Variants in ME1 observed in about 807,000 individuals in gnomAD.
ME1 encodes the protein NADP-dependent malic enzyme.
A neutral mutation model predicts 66.4 loss-of-function variants in ME1; 74 were observed. The observed-to-expected ratio is 1.11, with a 90% confidence interval of 0.92 to 1.35. The LOEUF (loss-of-function observed/expected upper bound fraction) is 1.35. ME1 is among the 40% of genes most tolerant of loss of function. The pLI, the probability that ME1 is intolerant of heterozygous loss-of-function variation, is 0.00. For synonymous variants in ME1, 251 were observed against 235.6 expected (o/e 1.07, Z -0.60); for missense variants, 750 against 694.1 (o/e 1.08, Z -0.90).
chr6:83,400,816 G>A (rs185446078), intron 2 of ME1, among the ~76,000 whole-genome samples: 107 of 152,224 alleles, frequency 7.0e-4, no homozygotes, highest in Non-Finnish European at 1.3e-3. Flanking sequence ...CTAATCAACC[G>A]CCCATTACCT....
At chr6:83,273,957 A>G (rs1183911505) in intron 6 of ME1, among the ~76,000 whole-genome samples, 1 of 152,178 alleles carries the variant, frequency 6.6e-6, no homozygotes, top group Non-Finnish European at 1.5e-5. Context: ...TTAAATGCTT[A>G]TCTTGCTTGA....
chr6:83,389,440 A>C (rs1323142651), intron 3 of ME1, among the ~76,000 whole-genome samples: 1 of 152,186 alleles, frequency 6.6e-6, no homozygotes, highest in Non-Finnish European at 1.5e-5. Flanking sequence ...TTTACTTACA[A>C]TATAGTTGAG....
At chr6:83,324,601 T>C (rs961780387) in intron 5 of ME1, among the ~76,000 whole-genome samples, 4 of 148,484 alleles carry the variant, frequency 2.7e-5, no homozygotes, top group African/African-American at 7.5e-5. Flanking sequence ...CTAGAAGAAA[T>C]GGATAAATTC....
chr6:83,402,314 G>A (rs1112483), intron 2 of ME1, among the ~76,000 whole-genome samples: 38,922 of 152,030 alleles, frequency 0.26, 5,584 homozygotes, highest in Middle Eastern at 0.45. Context: ...TAGGAATCAA[G>A]GGGTGGAAAT....
intron 5 of ME1, among the ~76,000 whole-genome samples, chr6:83,317,009 T>A (rs182990496): frequency 6.6e-6 from 1 of 151,118 alleles, no homozygotes; most frequent in Non-Finnish European, 1.5e-5. Context: ...ATAGAGAAAA[T>A]TGAAATAATG....
At chr6:83,427,943 TAG>T (rs1770403578) in intron 1 of ME1, among the ~76,000 whole-genome samples, 1 of 149,776 alleles carries the variant, frequency 6.7e-6, no homozygotes. Flanking sequence ...ACCCAGGAGG[TAG>T]AGTTTGCAGT....
chr6:83,340,822 C>T (rs890730582), intron 5 of ME1, among the ~76,000 whole-genome samples: 9 of 152,068 alleles, frequency 5.9e-5, no homozygotes, highest in African/African-American at 2.2e-4. Context: ...ATGATCAAAT[C>T]CTTAATCTTA....
rs182190294 is a variant in ME1 at position 83,352,758 on chromosome 6, C to T, written c.363-619G>A. ...CCTACAAAATCTTAACAAGTAACTT[C>T]ACAAATTAAAATAATAGAATTTAAA... On this transcript the variant is annotated intron_variant, in intron 3 of 13. Transcript: ENST00000369705. Among the ~76,000 whole-genome samples, 33 of 152,238 alleles carry T rather than the reference C, an allele frequency of 2.2e-4. 1 individual carries two copies. Among genetic ancestry groups the T allele is most frequent in the Admixed American group, 2.0e-3 (30 of 15,290 alleles).
chr6:83,387,535 A>G (rs1769534167), intron 3 of ME1, among the ~76,000 whole-genome samples: 1 of 152,086 alleles, frequency 6.6e-6, no homozygotes, highest in East Asian at 1.9e-4. Context: ...GTTTGTATAC[A>G]TCTCCATTTC....
chr6:83,430,845 C>T lies in ME1; in HGVS notation c.78+32G>A, dbSNP rs530151186. The T allele has an allele frequency of 3.8e-4, 592 of 1,563,136 alleles. 3 individuals are homozygous for T. In the South Asian group the frequency reaches 6.5e-3, roughly 17 times the overall value. On this transcript the variant is annotated intron_variant, in intron 1 of 13. Coordinates refer to ENST00000369705, the MANE Select transcript of ME1 (RefSeq NM_002395.6). ...GGCCCTGACCCTGATAGAGAGGGGC[C>T]GATGGGCGGCCAGGTGGGCCTGCGG...
At chr6:83,305,963 A>C (rs1388481307) in intron 6 of ME1, among the ~76,000 whole-genome samples, 1 of 152,158 alleles carries the variant, frequency 6.6e-6, no homozygotes, top group Non-Finnish European at 1.5e-5. Context: ...AGGAAAAGTA[A>C]ATTGCTTTCA....
rs1790002849 is a variant in ME1 at position 83,216,734 on chromosome 6, T to C, written c.1450-138A>G. ...ACATTAATATGATTACCTAATTTCATCCCCACTTCTATCAACAAAGAAATA... is the reference window on the plus strand; with the variant it reads ...ACATTAATATGATTACCTAATTTCACCCCCACTTCTATCAACAAAGAAATA... On this transcript the variant is annotated intron_variant, in intron 12 of 13. Coordinates refer to ENST00000369705, the MANE Select transcript of ME1 (RefSeq NM_002395.6). The C allele has an allele frequency of 2.0e-5, 11 of 558,954 alleles. No homozygotes were observed. In the South Asian group the frequency reaches 2.8e-4, roughly 14 times the overall value. 34.6% of individuals were successfully genotyped at this position (558,954 alleles called of 1,614,324 possible).
intron 6 of ME1, among the ~76,000 whole-genome samples, chr6:83,281,456 TA>T (rs950750586): frequency 1.3e-5 from 2 of 152,040 alleles, no homozygotes; most frequent in Non-Finnish European, 2.9e-5. Context: ...TTACATTATC[TA>T]AACTAATTTT....
intron 6 of ME1, among the ~76,000 whole-genome samples, chr6:83,302,960 C>T (rs1396505187): frequency 3.3e-5 from 5 of 151,472 alleles, no homozygotes; most frequent in East Asian, 1.9e-4. Context: ...CAGAAGTTAC[C>T]GAGATGGTGT....
At chr6:83,357,974 T>TATATATATATATATATATATATATA (rs1768931234) in intron 3 of ME1, among the ~76,000 whole-genome samples, 1 of 123,600 alleles carries the variant, frequency 8.1e-6, no homozygotes, top group Non-Finnish European at 1.7e-5. Flanking sequence ...TATATATATA[T>TATATATATATATATATATATATATA]TTCATTAGTT....
intron 7 of ME1, among the ~76,000 whole-genome samples, chr6:83,243,366 T>C (rs1161215996): frequency 8.4e-6 from 1 of 118,622 alleles, no homozygotes; most frequent in Non-Finnish European, 1.7e-5. Flanking sequence ...ATATAATATA[T>C]TATATAATAG....
At chr6:83,312,685 T>A (rs1351943526) in intron 6 of ME1, among the ~76,000 whole-genome samples, 2 of 152,108 alleles carry the variant, frequency 1.3e-5, no homozygotes, top group African/African-American at 4.8e-5. Context: ...TATTGGTGGG[T>A]CCATGTTGCA....
chr6:83,283,227 C>CAAAAAAAAAAAAAAAAAAA (rs71545854), intron 6 of ME1, among the ~76,000 whole-genome samples: 27 of 28,890 alleles, frequency 9.3e-4, no homozygotes, highest in Middle Eastern at 0.023. Context: ...GACTCCGTCT[C>CAAAAAAAAAAAAAAAAAAA]AAAAAAAAAA....
chr6:83,404,949 C>T (rs529786224), intron 2 of ME1, among the ~76,000 whole-genome samples: 18 of 152,232 alleles, frequency 1.2e-4, no homozygotes, highest in African/African-American at 4.1e-4. Flanking sequence ...ATGATGCTTC[C>T]AGCTTTGTTC....
Sources: gnomAD v4.1 joint callset for allele counts (sites outside exome capture counted in the v4.1 genomes callset) on GRCh38, gnomAD v4.1.1 for gene constraint, MANE v1.5 for transcripts, NCBI Gene and HGNC (gene_info 2026-07-23, HGNC 2026-07-21) for gene names.